Variants in KTN1 observed in about 807,000 individuals in gnomAD.
KTN1 encodes the protein kinectin.
KTN1 carries 130 observed loss-of-function variants against 222.5 expected under a neutral mutation model. The ratio of observed to expected loss-of-function variants is 0.58; its 90% CI spans 0.51 to 0.68. The LOEUF is 0.68. Among genes scored for constraint, KTN1 ranks in the 30% least tolerant of loss-of-function variants. The probability of loss-of-function intolerance (pLI) is 0.00; values close to 1 mark genes in which losing one functional copy is unlikely to be tolerated. For missense variants in KTN1, 1,508 were observed against 1,500.4 expected, an observed-to-expected ratio of 1.01 and a Z score of -0.08; for synonymous variants, 512 against 496.3, an observed-to-expected ratio of 1.03 and a Z score of -0.42.
intron 18 of KTN1, chr14:55,644,560 CTTTTTTTT>C: frequency 9.4e-6 from 3 of 320,250 alleles, no homozygotes; most frequent in East Asian, 4.4e-5. Context: ...CAGAATAAGA[CTTTTTTTT>C]TTTTTTTTTT....
chr14:55,637,891 A>G, intron 12 of KTN1, 44 bp downstream of exon 12: 2 of 1,431,612 alleles, frequency 1.4e-6, no homozygotes, highest in Non-Finnish European at 2.0e-6. Context: ...ACTTGCAGCC[A>G]TTTAAACACT....
At chr14:55,646,732 A>T (rs2274078) in intron 18 of KTN1, among the ~76,000 whole-genome samples, 41,790 of 151,606 alleles carry the variant, frequency 0.28, 5,744 homozygotes, top group East Asian at 0.33. Context: ...TTCATAAGAT[A>T]CTAATTCATT....
At chr14:55,683,622 G>C (rs2046550076) in intron 43 of KTN1, 2 of 150,398 alleles carry the variant, frequency 1.3e-5, no homozygotes, top group South Asian at 4.2e-4. Context: ...GTTGTGTTTT[G>C]TTAAGTCCTC....
At chr14:55,629,230 C>T (rs997306903) in intron 6 of KTN1, among the ~76,000 whole-genome samples, 5 of 151,858 alleles carry the variant, frequency 3.3e-5, no homozygotes, top group Non-Finnish European at 7.4e-5. Context: ...TCTTGGCTAA[C>T]AGGGTGAAAC....
At chr14:55,604,773 G>A (rs1312283187) in intron 1 of KTN1, among the ~76,000 whole-genome samples, 2 of 151,924 alleles carry the variant, frequency 1.3e-5, no homozygotes, top group Non-Finnish European at 2.9e-5. Flanking sequence ...CATATTCATA[G>A]GTTTGATTTA....
intron 2 of KTN1, 101 bp from the exon 3 acceptor site, chr14:55,616,409 CTTTAAAT>C (rs2038397684): frequency 2.0e-6 from 2 of 1,000,678 alleles, no homozygotes; most frequent in South Asian, 3.5e-5. Flanking sequence ...ATATGTCAGA[CTTTAAAT>C]TTTTAGTGGT....
In KTN1 at chr14:55,631,150, A is replaced by G. The variant is rs1249052488; in HGVS notation, c.1221+1053A>G. 3.3e-5 allele frequency among the ~76,000 whole-genome samples: 5 copies of G among 151,652 alleles called. No individual in the cohort carries two copies. In the East Asian group the frequency reaches 7.7e-4, roughly 23 times the overall value. On this transcript the variant is annotated intron_variant, in intron 7 of 43. Coordinates refer to ENST00000395314, the MANE Select transcript of KTN1 (RefSeq NM_001079521.2). Reference sequence around the variant, plus strand: ...AGATTGAAATATCTTTATTACTGCTAAAGAGGTTATTGAAGAATATGGCTT... The same window carrying G: ...AGATTGAAATATCTTTATTACTGCTGAAGAGGTTATTGAAGAATATGGCTT...
rs1039706781 is a variant in KTN1, at chr14:55,580,293, C to T, written c.-92C>T. 4 of 155,096 alleles carry T rather than the reference C, an allele frequency of 2.6e-5. No individual in the cohort carries two copies. Among genetic ancestry groups the T allele is most frequent in the South Asian group, 1.8e-4 (1 of 5,626 alleles). The allele number at this position is 155,096 out of a possible 1,614,324, so 9.6% of individuals were successfully genotyped here. A position where few individuals can be genotyped will look rare whatever the true frequency, so the allele number is the denominator to read the frequency against. On this transcript the variant is annotated 5_prime_UTR_variant, in exon 1 of 44. Coordinates refer to ENST00000395314, the MANE Select transcript of KTN1 (RefSeq NM_001079521.2). The stretch of plus-strand genomic sequence containing the variant: ...GGCGGCGGCGGCGCCTCGGAGCGGG[C>T]GGCCCGGGCTGTAGTGCCGGCGCCG...
intron 10 of KTN1, 57 bp downstream of exon 10, chr14:55,636,593 C>T (rs765024655): frequency 2.3e-6 from 3 of 1,279,820 alleles, no homozygotes; most frequent in Non-Finnish European, 3.3e-6. Context: ...AAAATTTCCT[C>T]TCTCTTCCAT....
intron 34 of KTN1, chr14:55,668,436 C>T (rs2045090008): frequency 6.6e-6 from 1 of 151,886 alleles, no homozygotes; most frequent in Admixed American, 6.6e-5. Context: ...TGACTGCATC[C>T]CTGTGGTGTT....
chr14:55,591,581 CTTTTTTT>C lies in KTN1; in HGVS notation c.-31+11245_-31+11251del, dbSNP rs71131297. On this transcript the variant is annotated intron_variant, in intron 1 of 43. Coordinates refer to ENST00000395314, the MANE Select transcript of KTN1 (RefSeq NM_001079521.2). ...CTTGCATTTCTTTCTTTCTCTCTTT[CTTTTTTT>C]TTTTTTTTTTTTTTTTTGAGACGGA... 9.9e-3 allele frequency among the ~76,000 whole-genome samples: 868 copies of C among 87,744 alleles called. 6 individuals are homozygous for C. The highest frequency in any genetic ancestry group is 0.041 in the East Asian group (102 of 2,462). 57.6% of individuals were successfully genotyped at this position (87,744 alleles called of 152,430 possible). A position where few individuals can be genotyped will look rare whatever the true frequency, so the allele number is the denominator to read the frequency against.
At chr14:55,650,280 G>A in intron 22 of KTN1, 48 bp from the exon 23 acceptor site, 1 of 1,191,306 alleles carries the variant, frequency 8.4e-7, no homozygotes, top group Non-Finnish European at 1.2e-6. Context: ...ATATCTTGGT[G>A]GGTCTTGGTG....
At chr14:55,613,305 T>TTAGGTTTTTTGGG (rs1293841806) in intron 2 of KTN1, among the ~76,000 whole-genome samples, 2 of 151,926 alleles carry the variant, frequency 1.3e-5, no homozygotes, top group Admixed American at 6.6e-5. Flanking sequence ...TAAGTACTAG[T>TTAGGTTTTTTGGG]TAGGTTTTTT....
At chr14:55,646,465 C>CTTTTCCTTTTCCTTTTCCTTTTCCT (rs11399585) in intron 18 of KTN1, among the ~76,000 whole-genome samples, 1 of 21,456 alleles carries the variant, frequency 4.7e-5, no homozygotes, top group African/African-American at 2.2e-4. Flanking sequence ...TTTCCTTTTC[C>CTTTTCCTTTTCCTTTTCCTTTTCCT]TTTCCTTTCC....
rs1468580789 is a variant in KTN1, at chr14:55,649,791, C to G, written c.2383C>G (p.Leu795Val). ...KQNDQVSFAS[L>V]VEELKKVIHE... ...CTATTTCCAGGTTTCTTTTGCCTCT[C>G]TAGTTGAAGAACTTAAGAAAGTGTA... The change falls in exon 22 of 44, where the codon CTA becomes GTA. Residue 795 changes from leucine (L) to valine (V), a missense_variant. By Grantham distance (32) the Leu-to-Val change is conservative. Coordinates refer to ENST00000395314, the MANE Select transcript of KTN1 (RefSeq NM_001079521.2). 6 of 1,521,758 alleles carry G rather than the reference C, an allele frequency of 3.9e-6. No individual in the cohort carries two copies. Among genetic ancestry groups the G allele is most frequent in the Middle Eastern group, 1.7e-4 (1 of 5,866 alleles). 94.3% of individuals were successfully genotyped at this position (1,521,758 alleles called of 1,614,324 possible).
intron 33 of KTN1, among the ~76,000 whole-genome samples, 159 bp from the exon 34 acceptor site, chr14:55,667,082 A>G (rs1234686373): frequency 6.6e-6 from 1 of 152,014 alleles, no homozygotes; most frequent in Non-Finnish European, 1.5e-5. Flanking sequence ...GAGCATTTTA[A>G]TATCTTAAAG....
chr14:55,654,058 T>TTTATAGGGAAATGGAA (rs1178455887), intron 28 of KTN1, among the ~76,000 whole-genome samples: 1 of 152,182 alleles, frequency 6.6e-6, no homozygotes, highest in Non-Finnish European at 1.5e-5. Context: ...TGTCATATTA[T>TTTATAGGGAAATGGAA]CCTGTGCTGA....
chr14:55,673,920 T>G (rs1006826249), intron 40 of KTN1: 4 of 152,148 alleles, frequency 2.6e-5, no homozygotes, highest in Non-Finnish European at 5.9e-5. Flanking sequence ...TAGACAAATA[T>G]GGCTGTCTTG....
intron 33 of KTN1, 68 bp downstream of exon 33, chr14:55,664,109 A>G (rs2044442322): frequency 1.0e-6 from 1 of 995,026 alleles, no homozygotes; most frequent in African/African-American, 1.7e-5. Context: ...TTAAAATCAG[A>G]CTAAAGCATT....
Sources: gnomAD v4.1 joint callset for allele counts (sites outside exome capture counted in the v4.1 genomes callset) on GRCh38, gnomAD v4.1.1 for gene constraint, MANE v1.5 for transcripts, NCBI Gene and HGNC (gene_info 2026-07-23, HGNC 2026-07-21) for gene names.